The following SCIN variants were observed in gnomAD, a reference collection of about 807,000 sequenced individuals.
The protein encoded by SCIN is scinderin, also known as adseverin.
A neutral mutation model predicts 91.8 loss-of-function variants in SCIN; 91 were observed. The observed-to-expected ratio is 0.99, with a 90% CI of 0.84 to 1.18. The LOEUF (loss-of-function observed/expected upper bound fraction) is 1.18, where lower values mean the gene tolerates loss of function less well. Among genes scored for constraint, SCIN ranks in the 50% most tolerant of loss-of-function variants. The pLI, the probability that SCIN is intolerant of heterozygous loss-of-function variation, is 0.00. For missense variants in SCIN, 1,087 were observed against 863.9 expected, an observed-to-expected ratio of 1.26 and a Z score of -3.24; for synonymous variants, 367 against 312.6, an observed-to-expected ratio of 1.17 and a Z score of -1.84.
chr7:12,588,478 C>G (rs570469787), intron 3 of SCIN, among the ~76,000 whole-genome samples: 13 of 152,058 alleles, frequency 8.5e-5, no homozygotes, highest in African/African-American at 3.1e-4. Flanking sequence ...AGAGAGAGAC[C>G]CAAGGTCAGG....
intron 3 of SCIN, among the ~76,000 whole-genome samples, chr7:12,596,790 G>T (rs1395041688): frequency 6.6e-6 from 1 of 151,958 alleles, no homozygotes; most frequent in African/African-American, 2.4e-5. Context: ...TGTTCATCTG[G>T]TCCTGATGAG....
intron 3 of SCIN, among the ~76,000 whole-genome samples, chr7:12,593,059 G>T (rs1384680619): frequency 6.6e-6 from 1 of 152,198 alleles, no homozygotes; most frequent in Non-Finnish European, 1.5e-5. Context: ...ATGCTTGTCT[G>T]CCCATCTGTT....
chr7:12,586,734 A>G (rs906639809), intron 3 of SCIN, among the ~76,000 whole-genome samples: 1 of 152,200 alleles, frequency 6.6e-6, no homozygotes, highest in Non-Finnish European at 1.5e-5. Context: ...CAATGGAACA[A>G]TAATCAGCCA....
intron 11 of SCIN, among the ~76,000 whole-genome samples, chr7:12,643,821 C>G (rs12113631): frequency 0.12 from 17,707 of 152,230 alleles, 1,207 homozygotes; most frequent in Admixed American, 0.18. Context: ...TCTTCTTCCT[C>G]TTTCTGGAAT....
chr7:12,625,275 A>G (rs1216460841), intron 6 of SCIN, 133 bp downstream of exon 6: 1 of 796,490 alleles, frequency 1.3e-6, no homozygotes, highest in South Asian at 2.6e-5. Flanking sequence ...AATGTCTCAC[A>G]TAAAATGCAG....
intron 11 of SCIN, among the ~76,000 whole-genome samples, chr7:12,641,228 A>G (rs1201220392): frequency 6.6e-6 from 1 of 151,770 alleles, no homozygotes; most frequent in African/African-American, 2.4e-5. Flanking sequence ...GACCCCTTAA[A>G]CTTGGGTTGG....
At chr7:12,573,226 G>C (rs1782304206) in intron 1 of SCIN, among the ~76,000 whole-genome samples, 1 of 152,152 alleles carries the variant, frequency 6.6e-6, no homozygotes, top group African/African-American at 2.4e-5. Context: ...GAGACAGATT[G>C]AGAGAAAGTC....
At position 12,604,531 on chromosome 7, in the gene SCIN, T is replaced by C. The variant is rs773229738; in HGVS notation, c.534T>C (p.Cys178=). The C allele has an allele frequency of 2.6e-6, 4 of 1,551,594 alleles. No homozygotes were observed. The South Asian group carries it at 4.8e-5, about 18-fold the overall frequency. ...TCTTTTAGGAAATTTATCAGTGGTG[T>C]GGTTCCTCGTGCAACAAATATGAAC... ...IDLGTEIYQW[C]GSSCNKYERL... The change falls in exon 4 of 16, where the codon TGT becomes TGC. Residue 178 remains cysteine, a synonymous_variant. Coordinates refer to ENST00000297029, the MANE Select transcript of SCIN (RefSeq NM_001112706.3).
chr7:12,640,787 G>A (rs1049295572), intron 11 of SCIN, among the ~76,000 whole-genome samples: 2 of 152,180 alleles, frequency 1.3e-5, no homozygotes, highest in Non-Finnish European at 2.9e-5. Context: ...TGTCAAAAGC[G>A]TGAGGCTGCT....
chr7:12,573,017 A>AG (rs1261502884), intron 1 of SCIN, among the ~76,000 whole-genome samples: 1 of 152,170 alleles, frequency 6.6e-6, no homozygotes, highest in African/African-American at 2.4e-5. Flanking sequence ...GAAAAAAAAA[A>AG]TGAGAGTACT....
intron 1 of SCIN, among the ~76,000 whole-genome samples, chr7:12,577,134 A>G (rs1012586386): frequency 2.0e-5 from 3 of 152,174 alleles, no homozygotes; most frequent in African/African-American, 7.2e-5. Flanking sequence ...TACCTGGAAC[A>G]ATACCAAGTA....
chr7:12,584,314 A>G (rs1344301544), intron 3 of SCIN, among the ~76,000 whole-genome samples: 2 of 152,210 alleles, frequency 1.3e-5, no homozygotes, highest in African/African-American at 4.8e-5. Context: ...TTGTATTATG[A>G]CCCAGGTATG....
At chr7:12,591,173 GA>G (rs1782715070) in intron 3 of SCIN, among the ~76,000 whole-genome samples, 1 of 152,164 alleles carries the variant, frequency 6.6e-6, no homozygotes, top group Non-Finnish European at 1.5e-5. Context: ...AGGAAGGGAA[GA>G]GGATACGGGG....
chr7:12,615,035 A>G lies in SCIN; in HGVS notation c.667-7766A>G, dbSNP rs372869835. Among the ~76,000 whole-genome samples, 37 of 152,272 alleles carry G rather than the reference A, an allele frequency of 2.4e-4. No individual in the cohort carries two copies. The East Asian group carries it at 7.0e-3, about 29-fold the overall frequency. ...GCTTAAGTAGAAATAAGAATAAGAA[A>G]TCTGTGGATCACACCCAAACTGTCT... On this transcript the variant is annotated intron_variant, in intron 4 of 15. Coordinates refer to ENST00000297029, the MANE Select transcript of SCIN (RefSeq NM_001112706.3).
At chr7:12,615,841 T>C (rs954114910) in intron 4 of SCIN, among the ~76,000 whole-genome samples, 1 of 152,132 alleles carries the variant, frequency 6.6e-6, no homozygotes, top group African/African-American at 2.4e-5. Context: ...TTTTCTGGAT[T>C]ATGTAGATAA....
intron 10 of SCIN, among the ~76,000 whole-genome samples, chr7:12,637,469 A>T (rs1195317490): frequency 6.6e-6 from 1 of 152,046 alleles, no homozygotes; most frequent in Non-Finnish European, 1.5e-5. Context: ...AATGGGAGGG[A>T]CAAAGAGAAA....
intron 4 of SCIN, among the ~76,000 whole-genome samples, chr7:12,616,881 C>A: frequency 6.6e-6 from 1 of 152,036 alleles, no homozygotes; most frequent in East Asian, 1.9e-4. Flanking sequence ...GCATTGTCAC[C>A]TACTCTTCTG....
intron 1 of SCIN, among the ~76,000 whole-genome samples, chr7:12,572,326 ATGT>A (rs1333317108): frequency 6.6e-6 from 1 of 152,224 alleles, no homozygotes; most frequent in East Asian, 1.9e-4. Flanking sequence ...TCCTATTATA[ATGT>A]TGTAATACAC....
At chr7:12,637,874 G>A (rs1484519405) in intron 10 of SCIN, among the ~76,000 whole-genome samples, 4 of 151,866 alleles carry the variant, frequency 2.6e-5, no homozygotes, top group Non-Finnish European at 5.9e-5. Context: ...GATTAAGATA[G>A]AGAAAAAGGG....
Sources: allele counts gnomAD v4.1 joint callset (sites outside exome capture counted in the v4.1 genomes callset), GRCh38; gene constraint gnomAD v4.1.1; transcripts MANE v1.5; gene names NCBI Gene and HGNC (gene_info 2026-07-23, HGNC 2026-07-21).